Variants in DMD observed in about 807,000 individuals in gnomAD.
The protein encoded by DMD is dystrophin, also known as mutant dystrophin.
DMD carries 63 observed loss-of-function variants against 330.1 expected under a neutral mutation model. The observed-to-expected ratio is 0.19, with a 90% CI of 0.16 to 0.24. The LOEUF is 0.24. Ranked by LOEUF, DMD falls within the 10% of genes least tolerant of loss-of-function variation. The pLI is 1.00. For missense variants in DMD, 3,344 were observed against 2,684.1 expected, an observed-to-expected ratio of 1.25 and a Z score of -5.43; for synonymous variants, 1,223 against 959.8, an observed-to-expected ratio of 1.27 and a Z score of -5.07.
At chrX:31,536,657 C>G (rs994296570) in intron 55 of DMD, among the ~76,000 whole-genome samples, 2 of 111,611 alleles carry the variant, frequency 1.8e-5, no homozygotes, top group Non-Finnish European at 3.8e-5. Context: ...TCCAATACAA[C>G]AATCCTACTT....
At chrX:33,105,847 T>C in intron 1 of DMD, among the ~76,000 whole-genome samples, 1 of 111,590 alleles carries the variant, frequency 9.0e-6, no homozygotes, top group Non-Finnish European at 1.9e-5. Flanking sequence ...AATACCTCTC[T>C]GGAAAACAGT....
intron 19 of DMD, among the ~76,000 whole-genome samples, chrX:32,499,636 C>A (rs2043843171): frequency 1.8e-5 from 2 of 111,311 alleles, no homozygotes; most frequent in Admixed American, 9.7e-5. Flanking sequence ...AAGGAAGATT[C>A]TGGACTTATA....
chrX:32,047,963 A>G (rs907281424), intron 44 of DMD, among the ~76,000 whole-genome samples: 13 of 108,129 alleles, frequency 1.2e-4, no homozygotes, highest in African/African-American at 4.4e-4. Context: ...AAACAGATAC[A>G]TTGAACTGAG....
intron 2 of DMD, among the ~76,000 whole-genome samples, chrX:32,980,594 G>A (rs937522694): frequency 9.1e-6 from 1 of 109,507 alleles, no homozygotes; most frequent in African/African-American, 3.3e-5. Context: ...TCCCCCAAAC[G>A]GTTCCTTCAC....
chrX:31,901,886 T>C (rs1412248089), intron 47 of DMD, among the ~76,000 whole-genome samples: 1 of 111,643 alleles, frequency 9.0e-6, no homozygotes, highest in Non-Finnish European at 1.9e-5. Context: ...GCATACACTG[T>C]GGAATGGCTA....
intron 50 of DMD, among the ~76,000 whole-genome samples, chrX:31,809,284 A>AAG (rs1556908852): frequency 9.3e-6 from 1 of 107,518 alleles, no homozygotes; most frequent in East Asian, 2.8e-4. Context: ...AGTGACATGT[A>AAG]ATATATATAT....
intron 55 of DMD, among the ~76,000 whole-genome samples, chrX:31,613,438 G>A (rs1221705018): frequency 9.0e-6 from 1 of 111,481 alleles, no homozygotes; most frequent in Non-Finnish European, 1.9e-5. Context: ...ATGTGAGTGA[G>A]CCCTCTTGGA....
At position 31,263,959 on chromosome X, in the gene DMD, G is replaced by A. The variant is rs750801811; in HGVS notation, c.9225-2943C>T. 4.5e-5 allele frequency among the ~76,000 whole-genome samples: 5 copies of A among 112,214 alleles called. No homozygotes were observed. The South Asian group carries it at 1.5e-3, about 33-fold the overall frequency. On this transcript the variant is annotated intron_variant, in intron 62 of 78. Transcript: ENST00000357033. ...ATGACGAACCAAATATTCACTTCACGGCTTGTTATTTTCTACCTGTGATGA... is the reference window on the plus strand; with the variant it reads ...ATGACGAACCAAATATTCACTTCACAGCTTGTTATTTTCTACCTGTGATGA...
chrX:32,760,816 CATG>C (rs751304680), intron 7 of DMD, among the ~76,000 whole-genome samples: 3 of 111,596 alleles, frequency 2.7e-5, no homozygotes, highest in Non-Finnish European at 5.7e-5. Context: ...GGGTTCCTAG[CATG>C]ATACCTCATA....
chrX:32,705,202 T>C (rs1374051126), intron 7 of DMD, among the ~76,000 whole-genome samples: 1 of 111,978 alleles, frequency 8.9e-6, no homozygotes, highest in Non-Finnish European at 1.9e-5. Context: ...CTGCAAGATA[T>C]GTTCTGCCTT....
At chrX:32,880,250 T>TTA (rs1557110905) in intron 2 of DMD, among the ~76,000 whole-genome samples, 7 of 105,236 alleles carry the variant, frequency 6.7e-5, no homozygotes, top group Middle Eastern at 4.8e-3. Context: ...TTTTTTTTTT[T>TTA]AATCAGCCAA....
At chrX:31,974,056 T>C (rs1266564709) in intron 44 of DMD, among the ~76,000 whole-genome samples, 1 of 111,941 alleles carries the variant, frequency 8.9e-6, no homozygotes, top group Non-Finnish European at 1.9e-5. Flanking sequence ...ATGTGGTACA[T>C]ATACACCATG....
rs2097741771 is a variant in DMD, at chrX:32,341,403, C to A, written c.5922+697G>T. ...AAATAAAGAAGTGAGACCAAGCTAA[C>A]AATTCTGAATCGCCTTTTTAAAGAG... On this transcript the variant is annotated intron_variant, in intron 41 of 78. Transcript: ENST00000357033. Among the ~76,000 whole-genome samples the A allele has an allele frequency of 3.6e-5, 4 of 112,119 alleles. No individual in the cohort carries two copies. The South Asian group carries it at 1.5e-3, about 42-fold the overall frequency.
At chrX:33,139,868 TAAAA>T (rs3990971) in intron 1 of DMD, among the ~76,000 whole-genome samples, 10 of 64,377 alleles carry the variant, frequency 1.6e-4, no homozygotes, top group African/African-American at 8.0e-4. Flanking sequence ...GCCCCATCGC[TAAAA>T]AAAAAAAAAA....
At chrX:32,465,692 T>G (rs1246417534) in intron 23 of DMD, among the ~76,000 whole-genome samples, 3 of 106,733 alleles carry the variant, frequency 2.8e-5, no homozygotes, top group South Asian at 4.4e-4. Context: ...TTCACGCCAT[T>G]CTCCTGCCTC....
At chrX:32,591,591 A>G (rs1379734836) in intron 13 of DMD, among the ~76,000 whole-genome samples, 1 of 112,366 alleles carries the variant, frequency 8.9e-6, no homozygotes, top group African/African-American at 3.2e-5. Context: ...AATCTCACTT[A>G]TGATGGCAGC....
chrX:32,338,834 G>A (rs1014166647), intron 41 of DMD, among the ~76,000 whole-genome samples: 6 of 111,055 alleles, frequency 5.4e-5, no homozygotes, highest in Admixed American at 3.9e-4. Flanking sequence ...CCCTTTCTTG[G>A]CAGTCATCAG....
intron 60 of DMD, among the ~76,000 whole-genome samples, chrX:31,396,870 A>C (rs1208254723): frequency 8.9e-6 from 1 of 111,824 alleles, no homozygotes; most frequent in East Asian, 2.8e-4. Flanking sequence ...AAAATCAAGA[A>C]TCTGTGTTAG....
chrX:31,996,708 T>C (rs1382350465), intron 44 of DMD, among the ~76,000 whole-genome samples: 1 of 111,903 alleles, frequency 8.9e-6, no homozygotes, highest in Non-Finnish European at 1.9e-5. Context: ...TTCCTGTTCA[T>C]TGTAATATCC....
Sources: gnomAD v4.1 joint callset for allele counts (sites outside exome capture counted in the v4.1 genomes callset) on GRCh38, gnomAD v4.1.1 for gene constraint, MANE v1.5 for transcripts, NCBI Gene and HGNC (gene_info 2026-07-23, HGNC 2026-07-21) for gene names.